RARB: variants seen among roughly 807,000 people sequenced by gnomAD.
RARB encodes HBV-activated protein.
A neutral mutation model predicts 51.9 loss-of-function variants in RARB; 17 were observed. That is an observed-to-expected ratio of 0.33 (90% confidence interval 0.22 to 0.49). RARB has a LOEUF of 0.49. RARB is among the 20% of genes least tolerant of loss of function. RARB has a pLI of 0.99. For missense variants in RARB, 369 were observed against 550.8 expected, an observed-to-expected ratio of 0.67 and a Z score of 3.30; for synonymous variants, 215 against 195.4, an observed-to-expected ratio of 1.10 and a Z score of -0.84.
At chr3:25,212,358 G>A (rs1051191647) in intron 5 of RARB, among the ~76,000 whole-genome samples, 26 of 152,126 alleles carry the variant, frequency 1.7e-4, no homozygotes, top group African/African-American at 6.0e-4. Flanking sequence ...AGTGGCTCAC[G>A]CCCATAATCC....
chr3:25,253,801 C>T (rs1182962117), intron 5 of RARB, among the ~76,000 whole-genome samples: 1 of 152,050 alleles, frequency 6.6e-6, no homozygotes, highest in Non-Finnish European at 1.5e-5. Context: ...CTAAAAGACC[C>T]CTTTCTTTTC....
intron 1 of RARB, among the ~76,000 whole-genome samples, chr3:25,449,847 G>A (rs1401454159): frequency 6.6e-6 from 1 of 151,712 alleles, no homozygotes; most frequent in African/African-American, 2.4e-5. Context: ...CACCTCCTGG[G>A]TTCAAGCAAT....
At chr3:25,213,768 T>A (rs1347201732) in intron 5 of RARB, among the ~76,000 whole-genome samples, 1 of 152,194 alleles carries the variant, frequency 6.6e-6, no homozygotes, top group African/African-American at 2.4e-5. Context: ...TCACCAAAGA[T>A]GTCAAACTAT....
In RARB at chr3:25,597,606, C is replaced by G. The variant is rs1386600764; in HGVS notation, c.*990C>G. 2.0e-5 allele frequency: 3 copies of G among 152,312 alleles called. No homozygotes were observed. The highest frequency in any genetic ancestry group is 2.9e-5 in the Non-Finnish European group (2 of 67,982). 9.4% of individuals were successfully genotyped at this position (152,312 alleles called of 1,614,324 possible). A position where few individuals can be genotyped will look rare whatever the true frequency, so the allele number is the denominator to read the frequency against. The stretch of plus-strand genomic sequence containing the variant: ...CTGATATTGGGATTTTTTTTTCCAG[C>G]CTTCTTGATGCCAAGGGGCTAATTA... On this transcript the variant is annotated 3_prime_UTR_variant, in exon 8 of 8. Transcript: ENST00000330688.
chr3:24,964,132 AC>A (rs936104828), intron 2 of RARB, among the ~76,000 whole-genome samples: 2 of 150,296 alleles, frequency 1.3e-5, no homozygotes, highest in Non-Finnish European at 3.0e-5. Context: ...GTTGATTTCC[AC>A]CCCCCCACCC....
intron 1 of RARB, chr3:25,441,216 G>A: frequency 2.9e-6 from 1 of 340,804 alleles, no homozygotes; most frequent in South Asian, 2.6e-5. Context: ...ACACAGGTTA[G>A]TGCCCTCAAA....
At chr3:24,954,017 T>C (rs1011549308) in intron 2 of RARB, among the ~76,000 whole-genome samples, 1 of 152,206 alleles carries the variant, frequency 6.6e-6, no homozygotes, top group South Asian at 2.1e-4. Flanking sequence ...CCTTACTGTT[T>C]ACTTGTTTCT....
At chr3:25,283,920 C>G (rs1703585267) in intron 5 of RARB, among the ~76,000 whole-genome samples, 1 of 152,200 alleles carries the variant, frequency 6.6e-6, no homozygotes, top group South Asian at 2.1e-4. Context: ...AATCTCTTCC[C>G]TTTGTACACA....
At chr3:25,049,495 T>G (rs931564699) in intron 2 of RARB, among the ~76,000 whole-genome samples, 10 of 152,184 alleles carry the variant, frequency 6.6e-5, no homozygotes, top group African/African-American at 1.9e-4. Flanking sequence ...GTCCTTGTCA[T>G]GAAAAGGGTG....
intron 2 of RARB, among the ~76,000 whole-genome samples, chr3:25,018,846 T>C (rs1014738093): frequency 2.6e-5 from 4 of 152,166 alleles, no homozygotes; most frequent in Non-Finnish European, 5.9e-5. Context: ...TTCTGGGTGA[T>C]GGATAAGAAA....
At chr3:25,068,063 G>A (rs1197804708) in intron 3 of RARB, among the ~76,000 whole-genome samples, 1 of 132,690 alleles carries the variant, frequency 7.5e-6, no homozygotes, top group Admixed American at 8.9e-5. Flanking sequence ...GAACCCAGGA[G>A]GTGGAGGTTG....
chr3:25,157,999 T>G (rs1425976711), intron 4 of RARB, among the ~76,000 whole-genome samples: 1 of 152,250 alleles, frequency 6.6e-6, no homozygotes, highest in African/African-American at 2.4e-5. Flanking sequence ...GTGGTTATCT[T>G]GACTTCAAAA....
At chr3:24,946,794 G>T (rs1385755522) in intron 2 of RARB, among the ~76,000 whole-genome samples, 3 of 152,096 alleles carry the variant, frequency 2.0e-5, no homozygotes, top group Non-Finnish European at 4.4e-5. Flanking sequence ...GAACCGGGAG[G>T]GTCAAGGCTG....
At chr3:25,416,521 G>A (rs1707708468) in intron 5 of RARB, among the ~76,000 whole-genome samples, 1 of 152,182 alleles carries the variant, frequency 6.6e-6, no homozygotes, top group Non-Finnish European at 1.5e-5. Flanking sequence ...CCAATTCAAT[G>A]GATTGGTACT....
intron 3 of RARB, among the ~76,000 whole-genome samples, chr3:25,075,479 C>G (rs1376711800): frequency 6.6e-6 from 1 of 152,134 alleles, no homozygotes; most frequent in Non-Finnish European, 1.5e-5. Context: ...CAATACCCTA[C>G]ATGTCCCTAC....
intron 5 of RARB, among the ~76,000 whole-genome samples, chr3:25,305,381 A>G (rs960793491): frequency 6.6e-6 from 1 of 152,128 alleles, no homozygotes; most frequent in Non-Finnish European, 1.5e-5. Flanking sequence ...TTTTAAAAAT[A>G]TGATATCTCC....
At chr3:25,504,065 A>T (rs1295376592) in intron 3 of RARB, among the ~76,000 whole-genome samples, 1 of 152,212 alleles carries the variant, frequency 6.6e-6, no homozygotes, top group East Asian at 1.9e-4. Flanking sequence ...ATGTCAGTTC[A>T]TCTGTATGTG....
intron 5 of RARB, among the ~76,000 whole-genome samples, chr3:25,274,417 G>T (rs1703330367): frequency 6.6e-6 from 1 of 152,104 alleles, no homozygotes; most frequent in South Asian, 2.1e-4. Flanking sequence ...TCCCGATTCA[G>T]CCTGAAGACT....
At chr3:25,348,451 C>G (rs1251506756) in intron 5 of RARB, among the ~76,000 whole-genome samples, 1 of 134,970 alleles carries the variant, frequency 7.4e-6, no homozygotes, top group Non-Finnish European at 1.6e-5. Flanking sequence ...GGCTTGTTGG[C>G]TTCTTTGCAG....
Sources: allele counts gnomAD v4.1 joint callset (sites outside exome capture counted in the v4.1 genomes callset), GRCh38; gene constraint gnomAD v4.1.1; transcripts MANE v1.5; gene names NCBI Gene and HGNC (gene_info 2026-07-23, HGNC 2026-07-21).